ASZ1: variants seen among roughly 807,000 people sequenced by gnomAD.
The protein encoded by ASZ1 is ankyrin repeat, SAM and basic leucine zipper domain-containing protein 1.
Under a neutral mutation model 61.8 loss-of-function variants are expected in ASZ1, and 67 were observed. That is an observed-to-expected ratio of 1.08 (90% CI 0.89 to 1.33). The LOEUF (loss-of-function observed/expected upper bound fraction) is 1.33, where lower values mean the gene tolerates loss of function less well. Ranked by LOEUF, ASZ1 falls within the 40% of genes most tolerant of loss-of-function variation. The pLI, the probability that ASZ1 is intolerant of heterozygous loss-of-function variation, is 0.00. For synonymous variants in ASZ1, 193 were observed against 192.7 expected, an observed-to-expected ratio of 1.00 and a Z score of -0.01; for missense variants, 577 against 554.5, an observed-to-expected ratio of 1.04 and a Z score of -0.41.
intron 4 of ASZ1, among the ~76,000 whole-genome samples, chr7:117,396,812 T>C (rs542621235): frequency 6.4e-4 from 98 of 152,248 alleles, no homozygotes; most frequent in African/African-American, 2.1e-3. Flanking sequence ...GGCTTTTTTT[T>C]CCCTTAGGTT....
At chr7:117,385,529 G>C (rs917152518) in intron 5 of ASZ1, among the ~76,000 whole-genome samples, 169 bp downstream of exon 5, 3 of 152,136 alleles carry the variant, frequency 2.0e-5, no homozygotes, top group Non-Finnish European at 4.4e-5. Flanking sequence ...CCAAAGTGCA[G>C]GGATTACAGG....
chr7:117,421,472 C>A (rs1443880999), intron 3 of ASZ1, among the ~76,000 whole-genome samples: 2 of 152,098 alleles, frequency 1.3e-5, no homozygotes, highest in Non-Finnish European at 2.9e-5. Context: ...GCCTTAGACT[C>A]CCAAAGTGCT....
intron 11 of ASZ1, chr7:117,368,014 T>C (rs1437722839): frequency 4.5e-6 from 2 of 440,752 alleles, no homozygotes; most frequent in East Asian, 1.5e-4. Context: ...CCTGAATAGC[T>C]AGGACCACAG....
chr7:117,389,601 A>C (rs1171093064), intron 4 of ASZ1, among the ~76,000 whole-genome samples: 2 of 152,182 alleles, frequency 1.3e-5, no homozygotes, highest in African/African-American at 4.8e-5. Context: ...TTAACCTACC[A>C]CTACCAGGCC....
In ASZ1 at chr7:117,385,701, G is replaced by T. The variant is rs1314962901; in HGVS notation, c.549C>A (p.Tyr183Ter). 6.3e-7 allele frequency: 1 copy of T among 1,593,998 alleles called. No homozygotes were observed. The highest frequency in any genetic ancestry group is 1.1e-5 in the South Asian group (1 of 90,528). The change falls in exon 5 of 13, where the codon TAC becomes TAA. Residue 183 changes from tyrosine to a stop codon, truncating the protein, a stop_gained. Transcript: ENST00000284629. LOFTEE classifies it high-confidence loss of function. ...ACATTGTAAAAATGTTTCTCACAGT[G>T]TAACCATTCTCATCCTGGGTATTAA... Reference protein sequence around the residue: ...AEVNTQDENGYTALTWAARQG... With the variant: ...AEVNTQDENG
chr7:117,383,301 T>TG (rs1264351581), intron 6 of ASZ1, among the ~76,000 whole-genome samples, 191 bp from the exon 7 acceptor site: 1 of 152,032 alleles, frequency 6.6e-6, no homozygotes, highest in Non-Finnish European at 1.5e-5. Flanking sequence ...GTATATATTT[T>TG]GGGGGGTACA....
chr7:117,378,437 A>C (rs1314427050), intron 10 of ASZ1, among the ~76,000 whole-genome samples: 1 of 152,154 alleles, frequency 6.6e-6, no homozygotes, highest in Non-Finnish European at 1.5e-5. Context: ...AGGCTGTTTG[A>C]CATCATTAGC....
intron 4 of ASZ1, among the ~76,000 whole-genome samples, chr7:117,399,010 T>C (rs1243479598): frequency 6.6e-6 from 1 of 152,122 alleles, no homozygotes; most frequent in Non-Finnish European, 1.5e-5. Context: ...AGGAGGATCA[T>C]GTGAGCCCAG....
chr7:117,422,185 A>C, intron 3 of ASZ1, 52 bp downstream of exon 3: 1 of 1,572,768 alleles, frequency 6.4e-7, no homozygotes, highest in Non-Finnish European at 8.6e-7. Context: ...GCTACTTGGA[A>C]ACCAAGGAAT....
intron 2 of ASZ1, among the ~76,000 whole-genome samples, chr7:117,425,259 C>CTTTTTTTTTTTTTT (rs71148368): frequency 9.6e-5 from 9 of 93,868 alleles, no homozygotes; most frequent in Non-Finnish European, 1.2e-4. Flanking sequence ...TGAGTAATTT[C>CTTTTTTTTTTTTTT]TTTTTTTTTT....
At chr7:117,418,189 A>C (rs1261372225) in intron 4 of ASZ1, among the ~76,000 whole-genome samples, 1 of 152,336 alleles carries the variant, frequency 6.6e-6, no homozygotes, top group East Asian at 1.9e-4. Flanking sequence ...AAGAGCACCA[A>C]GCAAAAGTTT....
chr7:117,385,676 A>G (rs747150671), intron 5 of ASZ1, 22 bp downstream of exon 5: 36 of 1,535,804 alleles, frequency 2.3e-5, no homozygotes, highest in Non-Finnish European at 3.2e-5. Flanking sequence ...ACAAAAAGAA[A>G]CATTGTAAAA....
chr7:117,375,950 A>G (rs1796127852), intron 10 of ASZ1, among the ~76,000 whole-genome samples: 2 of 152,134 alleles, frequency 1.3e-5, no homozygotes, highest in South Asian at 4.1e-4. Context: ...AGTAAGCAGA[A>G]GGAATAGTAA....
chr7:117,415,845 A>T (rs906305252), intron 4 of ASZ1, among the ~76,000 whole-genome samples: 6 of 152,266 alleles, frequency 3.9e-5, no homozygotes, highest in Admixed American at 3.9e-4. Flanking sequence ...ACAAATGGAA[A>T]CAACCACAGC....
At chr7:117,382,240 G>A (rs1042498851) in intron 7 of ASZ1, 96 bp from the exon 8 acceptor site, 8 of 781,022 alleles carry the variant, frequency 1.0e-5, no homozygotes, top group African/African-American at 1.7e-5. Flanking sequence ...GAATAATAAT[G>A]AATTCATGTA....
In ASZ1 at chr7:117,420,225, T is replaced by A. The variant is rs1797075062; in HGVS notation, c.378A>T (p.Glu126Asp). 6.2e-7 allele frequency: 1 copy of A among 1,612,788 alleles called. No homozygotes were observed. Among genetic ancestry groups the A allele is most frequent in the Admixed American group, 1.7e-5 (1 of 59,986 alleles). Residue 126 changes from glutamate (E) to aspartate (D), a missense_variant, in exon 4 of 13, where the codon GAA becomes GAT. Physicochemically the swap from Glu to Asp is conservative, Grantham distance 45 (BLOSUM62 2). Transcript: ENST00000284629. ...GTAGTTCTACACACTTCAAGATCTG[T>A]TCCTCTGAGCCATGAGCAGAACATG... ...ITACSAHGSEEQILKCVELLL... is the reference protein window; with the variant it reads ...ITACSAHGSEDQILKCVELLL...
intron 10 of ASZ1, among the ~76,000 whole-genome samples, chr7:117,379,663 A>G (rs1796213104): frequency 6.6e-6 from 1 of 151,842 alleles, no homozygotes; most frequent in Non-Finnish European, 1.5e-5. Flanking sequence ...GATTGTTTGT[A>G]AGGTTCAATT....
At chr7:117,381,236 G>T (rs1189332044) in intron 8 of ASZ1, among the ~76,000 whole-genome samples, 169 bp from the exon 9 acceptor site, 1 of 151,938 alleles carries the variant, frequency 6.6e-6, no homozygotes, top group Admixed American at 6.6e-5. Context: ...AGACAGTAAT[G>T]AGTATCATAA....
intron 2 of ASZ1, among the ~76,000 whole-genome samples, chr7:117,426,488 C>CAAAAAAA (rs10625452): frequency 2.4e-3 from 80 of 33,666 alleles, no homozygotes; most frequent in Non-Finnish European, 3.2e-3. Context: ...GATAACATCT[C>CAAAAAAA]AAAAAAAAAA....
Sources: allele counts gnomAD v4.1 joint callset (sites outside exome capture counted in the v4.1 genomes callset), GRCh38; gene constraint gnomAD v4.1.1; transcripts MANE v1.5; gene names NCBI Gene and HGNC (gene_info 2026-07-23, HGNC 2026-07-21).